Variants in KIRREL3 observed in about 807,000 individuals in gnomAD.
KIRREL3 encodes kirre like nephrin family adhesion molecule 3, also known as kin of IRRE-like protein 3.
A neutral mutation model predicts 89.7 loss-of-function variants in KIRREL3; 36 were observed. The observed-to-expected ratio is 0.40, with a 90% CI of 0.31 to 0.53. The LOEUF (loss-of-function observed/expected upper bound fraction) is 0.53, where lower values mean the gene tolerates loss of function less well. KIRREL3 is among the 20% of genes least tolerant of loss of function. The probability of loss-of-function intolerance (pLI) is 0.49; values close to 1 mark genes in which losing one functional copy is unlikely to be tolerated. For missense variants in KIRREL3, 864 were observed against 1,056.6 expected (o/e 0.82, Z 2.53); for synonymous variants, 445 against 441.4 (o/e 1.01, Z -0.10).
chr11:126,897,895 A>C lies in KIRREL3; in HGVS notation c.55+102560T>G, dbSNP rs1946229327. Among the ~76,000 whole-genome samples the C allele has an allele frequency of 6.6e-6, 1 of 152,138 alleles. No homozygotes were observed. Among genetic ancestry groups the C allele is most frequent in the Non-Finnish European group, 1.5e-5 (1 of 68,034 alleles). On this transcript the variant is annotated intron_variant, in intron 1 of 16. Coordinates refer to ENST00000525144, the MANE Select transcript of KIRREL3 (RefSeq NM_032531.4). The surrounding 1 kb of genome is among the most constrained non-coding windows in gnomAD (Gnocchi z 4.2). ...ATATCCACTGATGTATGGCACCTCG[A>C]GTTGCTGCTGGGACTGCAGAGGACA...
chr11:126,850,688 C>T (rs1393924452), intron 1 of KIRREL3, among the ~76,000 whole-genome samples: 1 of 152,186 alleles, frequency 6.6e-6, no homozygotes, highest in African/African-American at 2.4e-5. Context: ...CTTCAAAAGG[C>T]AGCGTTCCAG....
intron 2 of KIRREL3, among the ~76,000 whole-genome samples, chr11:126,545,517 T>A (rs113889863): frequency 0.017 from 2,654 of 152,032 alleles, 71 homozygotes; most frequent in African/African-American, 0.058. Context: ...ACGCCTGTAA[T>A]CCCAGCACTT....
In KIRREL3 at chr11:126,489,611, C is replaced by T. The variant is rs563826306; in HGVS notation, c.434-16145G>A. On this transcript the variant is annotated intron_variant, in intron 4 of 16. Transcript: ENST00000525144. This position sits in a 1 kb window ranked among gnomAD's most constrained non-coding sequence, Gnocchi z 5.5. ...ATGTGTGAATCACCATAAGTTTGGA[C>T]CCAGGACAGCTGGTGTCCCCTGGCT... Among the ~76,000 whole-genome samples, 38 of 152,224 alleles carry T rather than the reference C, an allele frequency of 2.5e-4. No homozygotes were observed. The highest frequency in any genetic ancestry group is 9.1e-4 in the African/African-American group (38 of 41,542).
At chr11:126,767,829 T>A (rs1260457339) in intron 1 of KIRREL3, among the ~76,000 whole-genome samples, 1 of 152,210 alleles carries the variant, frequency 6.6e-6, no homozygotes, top group Non-Finnish European at 1.5e-5. Flanking sequence ...CAAGAATTTG[T>A]TAATGCTATG....
chr11:126,641,549 T>C lies in KIRREL3; in HGVS notation c.56-78637A>G, dbSNP rs1944473238. 6.6e-6 allele frequency among the ~76,000 whole-genome samples: 1 copy of C among 152,148 alleles called. No individual in the cohort carries two copies. The highest frequency in any genetic ancestry group is 2.1e-4 in the South Asian group (1 of 4,820). On this transcript the variant is annotated intron_variant, in intron 1 of 16. Coordinates refer to ENST00000525144, the MANE Select transcript of KIRREL3 (RefSeq NM_032531.4). The surrounding 1 kb of genome is among the most constrained non-coding windows in gnomAD (Gnocchi z 5.0). ...CCTAGACTGTGAGCAAATAACATTC[T>C]GGCCAGTGGGATATGTCTCACCAAT... is the stretch of plus-strand genomic sequence containing the variant.
chr11:126,986,971 C>T lies in KIRREL3; in HGVS notation c.55+13484G>A, dbSNP rs557598773. Among the ~76,000 whole-genome samples the T allele has an allele frequency of 1.0e-3, 152 of 152,186 alleles. No homozygotes were observed. In the South Asian group the frequency reaches 0.03, roughly 30 times the overall value. ...AGGCCTCAGGAGCAGCTGGTGGGCT[C>T]GGTATAACACAGGCTGCTGGTCAAA... On this transcript the variant is annotated intron_variant, in intron 1 of 16. Transcript: ENST00000525144.
intron 1 of KIRREL3, among the ~76,000 whole-genome samples, chr11:126,649,127 C>A (rs1253428027): frequency 6.6e-6 from 1 of 152,076 alleles, no homozygotes; most frequent in East Asian, 1.9e-4. Flanking sequence ...ATTCACTACC[C>A]CTAGAACAGT....
At chr11:126,451,342 ATG>A (rs1956134729) in intron 7 of KIRREL3, among the ~76,000 whole-genome samples, 1 of 103,392 alleles carries the variant, frequency 9.7e-6, no homozygotes, top group Non-Finnish European at 1.9e-5. Flanking sequence ...GAGTGTGTGC[ATG>A]TGTGTGCGTA....
intron 1 of KIRREL3, among the ~76,000 whole-genome samples, chr11:126,964,043 T>C (rs916932299): frequency 6.6e-6 from 1 of 152,174 alleles, no homozygotes; most frequent in Admixed American, 6.5e-5. Context: ...AAGGGACCTA[T>C]CTCATGAATT....
At chr11:126,964,634 C>T (rs1263170574) in intron 1 of KIRREL3, among the ~76,000 whole-genome samples, 2 of 152,148 alleles carry the variant, frequency 1.3e-5, no homozygotes, top group South Asian at 2.1e-4. Context: ...ACAGCTTGTG[C>T]TACAAACTCC....
intron 1 of KIRREL3, among the ~76,000 whole-genome samples, chr11:126,591,055 G>C (rs1014422662): frequency 3.9e-5 from 6 of 152,114 alleles, no homozygotes; most frequent in Admixed American, 1.3e-4. Context: ...GTAAAATTAC[G>C]TCTCTACTAA....
rs559830075 is a variant in KIRREL3 at position 126,653,889 on chromosome 11, G to C, written c.56-90977C>G. Among the ~76,000 whole-genome samples, 10 of 152,304 alleles carry C rather than the reference G, an allele frequency of 6.6e-5. No individual in the cohort carries two copies. Among genetic ancestry groups the C allele is most frequent in the Admixed American group, 5.2e-4 (8 of 15,298 alleles). On this transcript the variant is annotated intron_variant, in intron 1 of 16. Coordinates refer to ENST00000525144, the MANE Select transcript of KIRREL3 (RefSeq NM_032531.4). This position sits in a 1 kb window ranked among gnomAD's most constrained non-coding sequence, Gnocchi z 5.4. ...ATAGCCATTTTTAGTTGCACCAAAG[G>C]GGGGAGTTGAAAAATAGACCTTGTA...
intron 1 of KIRREL3, among the ~76,000 whole-genome samples, chr11:126,929,704 G>T (rs1196794058): frequency 6.6e-6 from 1 of 152,196 alleles, no homozygotes; most frequent in Non-Finnish European, 1.5e-5. Context: ...AATCCAGCCT[G>T]CCTGGAGTCC....
At position 126,811,051 on chromosome 11, in the gene KIRREL3, C is replaced by T. The variant is rs911214354; in HGVS notation, c.55+189404G>A. 6.6e-6 allele frequency among the ~76,000 whole-genome samples: 1 copy of T among 152,192 alleles called. No homozygotes were observed. Among genetic ancestry groups the T allele is most frequent in the Admixed American group, 6.5e-5 (1 of 15,282 alleles). The stretch of plus-strand genomic sequence containing the variant: ...TCTCTTGGCCACCCAAGCTGTCTGC[C>T]TTCCCTGGCTACACCCATGGGCACC... On this transcript the variant is annotated intron_variant, in intron 1 of 16. Transcript: ENST00000525144. This position sits in a 1 kb window ranked among gnomAD's most constrained non-coding sequence, Gnocchi z 4.3.
chr11:126,720,591 G>C (rs1196939823), intron 1 of KIRREL3, among the ~76,000 whole-genome samples: 1 of 152,206 alleles, frequency 6.6e-6, no homozygotes, highest in Non-Finnish European at 1.5e-5. Flanking sequence ...GTTTAAATTA[G>C]TTCACTCCCA....
At chr11:126,756,794 A>G (rs10893564) in intron 1 of KIRREL3, among the ~76,000 whole-genome samples, 35,232 of 152,204 alleles carry the variant, frequency 0.23, 4,674 homozygotes, top group African/African-American at 0.34. Flanking sequence ...TGAGCAGTGT[A>G]TACTCTGAAT....
chr11:126,651,291 T>C lies in KIRREL3; in HGVS notation c.56-88379A>G, dbSNP rs1438796622. On this transcript the variant is annotated intron_variant, in intron 1 of 16. Transcript: ENST00000525144. This position sits in a 1 kb window ranked among gnomAD's most constrained non-coding sequence, Gnocchi z 4.6. ...CACAGTTTGCGTGTTTCACTGAGTC[T>C]TGATAATTATTCCAACTGGGAATCC... is the stretch of plus-strand genomic sequence containing the variant. 6.6e-6 allele frequency among the ~76,000 whole-genome samples: 1 copy of C among 152,238 alleles called. No homozygotes were observed. Among genetic ancestry groups the C allele is most frequent in the Admixed American group, 6.5e-5 (1 of 15,288 alleles).
In KIRREL3 at chr11:126,734,709, G is replaced by C. The variant is rs2134203888; in HGVS notation, c.56-171797C>G. Among the ~76,000 whole-genome samples the C allele has an allele frequency of 6.6e-6, 1 of 152,228 alleles. No individual in the cohort carries two copies. Among genetic ancestry groups the C allele is most frequent in the African/African-American group, 2.4e-5 (1 of 41,552 alleles). On this transcript the variant is annotated intron_variant, in intron 1 of 16. Transcript: ENST00000525144. The surrounding 1 kb of genome is among the most constrained non-coding windows in gnomAD (Gnocchi z 5.9). The stretch of plus-strand genomic sequence containing the variant: ...AGTATTCTATGTACTAGGAATTACA[G>C]AAAGTGATAAAGGAGACTGTGTGAT...
chr11:126,769,219 G>A lies in KIRREL3; in HGVS notation c.56-206307C>T, dbSNP rs527905887. Among the ~76,000 whole-genome samples the A allele has an allele frequency of 4.6e-5, 7 of 152,200 alleles. No individual in the cohort carries two copies. In the South Asian group the frequency reaches 6.3e-4, roughly 14 times the overall value. ...TCAACACATCTCTAATATGGCACAC[G>A]GTGTAATACATTGCCATTACCTGCT... On this transcript the variant is annotated intron_variant, in intron 1 of 16. Coordinates refer to ENST00000525144, the MANE Select transcript of KIRREL3 (RefSeq NM_032531.4). This position sits in a 1 kb window ranked among gnomAD's most constrained non-coding sequence, Gnocchi z 4.3.
Sources: allele counts gnomAD v4.1 joint callset (sites outside exome capture counted in the v4.1 genomes callset), GRCh38; gene constraint gnomAD v4.1.1; non-coding constraint Gnocchi (gnomAD v3.1); transcripts MANE v1.5; gene names NCBI Gene and HGNC (gene_info 2026-07-23, HGNC 2026-07-21).